Variants in SLCO3A1 observed in about 807,000 individuals in gnomAD.
SLCO3A1 encodes the protein PGE1 transporter.
Under a neutral mutation model 63.1 loss-of-function variants are expected in SLCO3A1, and 27 were observed. That is an observed-to-expected ratio of 0.43 (90% CI 0.32 to 0.59). SLCO3A1 has a LOEUF of 0.59. Ranked by LOEUF, SLCO3A1 falls within the 20% of genes least tolerant of loss-of-function variation. SLCO3A1 has a pLI of 0.09. For missense variants in SLCO3A1, 773 were observed against 945.8 expected (o/e 0.82, Z 2.40); for synonymous variants, 473 against 409.9 (o/e 1.15, Z -1.86).
At chr15:91,870,067 AGGATTGAGTGG>A (rs1237665720) in intron 1 of SLCO3A1, among the ~76,000 whole-genome samples, 9 of 152,186 alleles carry the variant, frequency 5.9e-5, no homozygotes, top group Admixed American at 2.0e-4. Flanking sequence ...CCCTTTGGGG[AGGATTGAGTGG>A]GGAAGTTAGA....
At chr15:92,013,354 G>A (rs551851904) in intron 2 of SLCO3A1, among the ~76,000 whole-genome samples, 4 of 152,328 alleles carry the variant, frequency 2.6e-5, no homozygotes, top group East Asian at 3.9e-4. Context: ...GCGGCCAAAC[G>A]CCTCTGATGT....
intron 1 of SLCO3A1, among the ~76,000 whole-genome samples, chr15:91,869,522 GA>G (rs67400392): frequency 7.6e-5 from 11 of 144,194 alleles, no homozygotes; most frequent in Non-Finnish European, 9.1e-5. Flanking sequence ...TGTCTCAAAG[GA>G]AAAAAAAAAA....
At chr15:92,074,625 G>A (rs563836389) in intron 2 of SLCO3A1, among the ~76,000 whole-genome samples, 225 of 152,292 alleles carry the variant, frequency 1.5e-3, no homozygotes, top group African/African-American at 4.3e-3. Flanking sequence ...CAGCCTGTGA[G>A]TTAGAACCCC....
At chr15:91,958,076 G>C (rs1048782857) in intron 2 of SLCO3A1, among the ~76,000 whole-genome samples, 2 of 152,250 alleles carry the variant, frequency 1.3e-5, no homozygotes, top group Middle Eastern at 6.8e-3. Flanking sequence ...GCAACAATTT[G>C]AGAAAACTTG....
chr15:91,858,759 C>T (rs761113562), intron 1 of SLCO3A1, among the ~76,000 whole-genome samples: 29 of 152,338 alleles, frequency 1.9e-4, no homozygotes, highest in Non-Finnish European at 3.5e-4. Flanking sequence ...AACTGCTGGG[C>T]AAAGGCAGCC....
intron 2 of SLCO3A1, among the ~76,000 whole-genome samples, chr15:92,088,818 G>A (rs1169891758): frequency 1.3e-5 from 2 of 152,040 alleles, no homozygotes; most frequent in African/African-American, 2.4e-5. Flanking sequence ...AGATCCTTGT[G>A]ATAAGATTGT....
chr15:92,147,241 CAACAGGAAT>C lies in SLCO3A1; in HGVS notation c.1688+83_1688+91del, dbSNP rs1387213302. The C allele has an allele frequency of 1.5e-5, 21 of 1,372,310 alleles. No homozygotes were observed. The Admixed American group carries it at 4.5e-4, about 29-fold the overall frequency. The allele number at this position is 1,372,310 out of a possible 1,614,324, so 85.0% of individuals were successfully genotyped here. ...GCCTCCTAGGGACCAGAGCTTCAGACAACAGGAATCTCTCGAACCAGGTGAGCTAGGGCC... is the reference window on the plus strand; with the variant it reads ...GCCTCCTAGGGACCAGAGCTTCAGACCTCTCGAACCAGGTGAGCTAGGGCC... On this transcript the variant is annotated intron_variant, in intron 8 of 9. Transcript: ENST00000318445.
chr15:92,115,090 A>T (rs1257988397), intron 4 of SLCO3A1, among the ~76,000 whole-genome samples: 1 of 152,058 alleles, frequency 6.6e-6, no homozygotes, highest in African/African-American at 2.4e-5. Context: ...GGCCAACTTC[A>T]GTAGAGAAGA....
intron 7 of SLCO3A1, among the ~76,000 whole-genome samples, chr15:92,145,966 C>T (rs1235015986): frequency 6.6e-6 from 1 of 151,810 alleles, no homozygotes; most frequent in Non-Finnish European, 1.5e-5. Context: ...AAAACCCTAT[C>T]TCTGTGTTCT....
intron 2 of SLCO3A1, among the ~76,000 whole-genome samples, chr15:92,002,334 G>A (rs964071857): frequency 5.9e-5 from 9 of 152,232 alleles, no homozygotes; most frequent in South Asian, 2.1e-4. Flanking sequence ...AGAAGAAACC[G>A]TCCAGTGGAA....
chr15:92,000,293 T>C (rs1030485344), intron 2 of SLCO3A1, among the ~76,000 whole-genome samples: 5 of 151,834 alleles, frequency 3.3e-5, no homozygotes, highest in African/African-American at 1.2e-4. Context: ...GTGAAAGACA[T>C]CTAGAAGTTC....
In SLCO3A1 at chr15:91,899,280, G is replaced by A. The variant is rs1898090932; in HGVS notation, c.181-16713G>A. Among the ~76,000 whole-genome samples the A allele has an allele frequency of 2.6e-5, 4 of 152,088 alleles. No homozygotes were observed. In the South Asian group the frequency reaches 8.3e-4, roughly 32 times the overall value. ...AAGCTAGTTCAGTGTGGGGGGGATG[G>A]GGCTATTTTGCAGGCGTTTCCCTAA... On this transcript the variant is annotated intron_variant, in intron 1 of 9. Coordinates refer to ENST00000318445, the MANE Select transcript of SLCO3A1 (RefSeq NM_013272.4).
At chr15:91,947,050 A>G (rs1051728904) in intron 2 of SLCO3A1, among the ~76,000 whole-genome samples, 7 of 152,196 alleles carry the variant, frequency 4.6e-5, no homozygotes, top group Non-Finnish European at 7.3e-5. Flanking sequence ...AGCTCCTGTC[A>G]TCGGGTCCCG....
chr15:92,046,190 G>T (rs1418440144), intron 2 of SLCO3A1, among the ~76,000 whole-genome samples: 1 of 152,084 alleles, frequency 6.6e-6, no homozygotes, highest in Non-Finnish European at 1.5e-5. Context: ...ATATTGGACA[G>T]CCTACAGTGG....
At chr15:92,112,085 A>G (rs1405752262) in intron 4 of SLCO3A1, among the ~76,000 whole-genome samples, 1 of 152,142 alleles carries the variant, frequency 6.6e-6, no homozygotes, top group Non-Finnish European at 1.5e-5. Flanking sequence ...GAGAGAGGGG[A>G]CTTGGAGATA....
chr15:92,018,196 G>A (rs891551580), intron 2 of SLCO3A1, among the ~76,000 whole-genome samples: 11 of 152,226 alleles, frequency 7.2e-5, no homozygotes, highest in African/African-American at 2.7e-4. Context: ...AGGGAACTGG[G>A]TGGGAGTCAG....
chr15:91,937,952 C>G (rs939283923), intron 2 of SLCO3A1, among the ~76,000 whole-genome samples: 7 of 152,076 alleles, frequency 4.6e-5, no homozygotes, highest in Non-Finnish European at 2.9e-5. Context: ...GTTATGAGTA[C>G]CTACCTTATC....
At chr15:91,972,259 G>A (rs903920869) in intron 2 of SLCO3A1, among the ~76,000 whole-genome samples, 24 of 152,228 alleles carry the variant, frequency 1.6e-4, no homozygotes, top group African/African-American at 5.8e-4. Context: ...GGTGGATATG[G>A]GAGATGAGGG....
chr15:92,125,151 A>C (rs1039974745), intron 5 of SLCO3A1, among the ~76,000 whole-genome samples: 5 of 152,194 alleles, frequency 3.3e-5, no homozygotes, highest in African/African-American at 1.2e-4. Flanking sequence ...TTCCCTTAGC[A>C]CATACCAGCT....
Sources: allele counts gnomAD v4.1 joint callset (sites outside exome capture counted in the v4.1 genomes callset), GRCh38; gene constraint gnomAD v4.1.1; transcripts MANE v1.5; gene names NCBI Gene and HGNC (gene_info 2026-07-23, HGNC 2026-07-21).